Variants in PBK observed in about 807,000 individuals in gnomAD.
PBK encodes PDZ binding kinase, also known as lymphokine-activated killer T-cell-originated protein kinase.
PBK carries 22 observed loss-of-function variants against 33.5 expected under a neutral mutation model. The ratio of observed to expected loss-of-function variants is 0.66; its 90% confidence interval spans 0.47 to 0.94. The LOEUF (loss-of-function observed/expected upper bound fraction) is 0.94. PBK is among the 40% of genes least tolerant of loss of function. The probability of loss-of-function intolerance (pLI) is 0.00; values close to 1 mark genes in which losing one functional copy is unlikely to be tolerated. For missense variants in PBK, 376 were observed against 383.4 expected (o/e 0.98, Z 0.16); for synonymous variants, 129 against 123.8 (o/e 1.04, Z -0.28).
At chr8:27,814,760 GTTAT>G (rs1163829240) in intron 6 of PBK, among the ~76,000 whole-genome samples, 2 of 151,952 alleles carry the variant, frequency 1.3e-5, no homozygotes, top group Non-Finnish European at 2.9e-5. Flanking sequence ...TGACCCATAG[GTTAT>G]TTAAATTTGT....
At chr8:27,830,205 G>GAAAAAAAAAAAAAAAA in intron 2 of PBK, among the ~76,000 whole-genome samples, 1 of 92,952 alleles carries the variant, frequency 1.1e-5, no homozygotes, top group Non-Finnish European at 2.2e-5. Context: ...TCTGTCTCAA[G>GAAAAAAAAAAAAAAAA]AAAAAAAAAA....
At chr8:27,821,312 G>A (rs1200378928) in intron 5 of PBK, among the ~76,000 whole-genome samples, 2 of 152,050 alleles carry the variant, frequency 1.3e-5, no homozygotes, top group Non-Finnish European at 2.9e-5. Flanking sequence ...GCCCAGGCTG[G>A]AGTGCAGTGG....
At position 27,810,465 on chromosome 8, in the gene PBK, G is replaced by T; in HGVS notation, c.809C>A (p.Ala270Glu). ...CCTAGTTCCCAACGCTGCATAGTAT[G>T]CTTCATCATCAAAATCACTTTCATC... is the stretch of plus-strand genomic sequence containing the variant. ...TFDESDFDDE[A>E]YYAALGTRPP... is the part of the protein sequence containing the mutation. The change falls in exon 8 of 8, where the codon GCA becomes GAA. Residue 270 changes from alanine (A) to glutamate (E), a missense_variant. Physicochemically the swap from Ala to Glu is moderately radical, Grantham distance 107. Transcript: ENST00000301905. 6.2e-7 allele frequency: 1 copy of T among 1,604,920 alleles called. No homozygotes were observed. Among genetic ancestry groups the T allele is most frequent in the Non-Finnish European group, 8.5e-7 (1 of 1,174,242 alleles).
chr8:27,831,957 A>C (rs2612264), intron 2 of PBK, among the ~76,000 whole-genome samples: 1 of 152,238 alleles, frequency 6.6e-6, no homozygotes, highest in South Asian at 2.1e-4. Context: ...ATTCTACACA[A>C]AGTTAAAGAA....
chr8:27,830,455 A>AG (rs1005958714), intron 2 of PBK, among the ~76,000 whole-genome samples: 1 of 152,202 alleles, frequency 6.6e-6, no homozygotes, highest in African/African-American at 2.4e-5. Context: ...GAAAAAGGTT[A>AG]GAAAAAAATC....
intron 1 of PBK, among the ~76,000 whole-genome samples, chr8:27,834,818 C>A (rs1014085116): frequency 4.0e-5 from 6 of 151,858 alleles, no homozygotes; most frequent in Non-Finnish European, 8.8e-5. Context: ...ATCGCTTGAA[C>A]CTGGGAGGCG....
rs1008218514 is a variant in PBK at position 27,837,774 on chromosome 8, T to C, written c.-143A>G. ...TGCAGCTGCCTCTAGCACCAACACA[T>C]ACGCCCGGCAGCTGCCGTTGCAATT... On this transcript the variant is annotated 5_prime_UTR_variant, in exon 1 of 8. It removes an upstream start codon present in the reference 5' UTR. Transcript: ENST00000301905. The C allele has an allele frequency of 1.3e-5, 2 of 152,112 alleles. No homozygotes were observed. The highest frequency in any genetic ancestry group is 4.8e-5 in the African/African-American group (2 of 41,424). 9.4% of individuals were successfully genotyped at this position (152,112 alleles called of 1,614,324 possible). A position where few individuals can be genotyped will look rare whatever the true frequency, so the allele number is the denominator to read the frequency against.
At chr8:27,814,323 A>G (rs1805768468) in intron 6 of PBK, among the ~76,000 whole-genome samples, 1 of 152,160 alleles carries the variant, frequency 6.6e-6, no homozygotes, top group Non-Finnish European at 1.5e-5. Flanking sequence ...CATTGCCATA[A>G]AGCCGTTTAT....
At chr8:27,822,254 G>C in intron 5 of PBK, 65 bp downstream of exon 5, 1 of 1,189,930 alleles carries the variant, frequency 8.4e-7, no homozygotes, top group Admixed American at 2.2e-5. Flanking sequence ...CCTGCAAAGT[G>C]ATTATTTGTT....
chr8:27,837,808 C>T lies in PBK; in HGVS notation c.-177G>A, dbSNP rs1806257447. Reference sequence around the variant, plus strand: ...CAGCTGCCGTTGCAATTCGAACCCTCCTGGCTTTCAAAAAGTCGCGCGCTG... The same window carrying T: ...CAGCTGCCGTTGCAATTCGAACCCTTCTGGCTTTCAAAAAGTCGCGCGCTG... On this transcript the variant is annotated 5_prime_UTR_variant, in exon 1 of 8. Coordinates refer to ENST00000301905, the MANE Select transcript of PBK (RefSeq NM_018492.4). 6.6e-6 allele frequency: 1 copy of T among 152,258 alleles called. No homozygotes were observed. The highest frequency in any genetic ancestry group is 1.5e-5 in the Non-Finnish European group (1 of 68,054). The allele number at this position is 152,258 out of a possible 1,614,324, so 9.4% of individuals were successfully genotyped here.
intron 2 of PBK, among the ~76,000 whole-genome samples, chr8:27,828,744 C>CAA (rs34388320): frequency 1.5e-3 from 121 of 82,414 alleles, no homozygotes; most frequent in Non-Finnish European, 1.9e-3. Flanking sequence ...GACACAGTCT[C>CAA]AAAAAAAAAA....
intron 5 of PBK, among the ~76,000 whole-genome samples, 192 bp from the exon 6 acceptor site, chr8:27,820,886 C>T (rs1192547649): frequency 1.3e-5 from 2 of 150,918 alleles, no homozygotes; most frequent in Non-Finnish European, 2.9e-5. Context: ...TGCAGTGGCA[C>T]GATCTCGGCT....
intron 6 of PBK, among the ~76,000 whole-genome samples, chr8:27,816,287 A>C (rs1330459530): frequency 6.6e-6 from 1 of 151,220 alleles, no homozygotes; most frequent in Non-Finnish European, 1.5e-5. Context: ...TATAGTATTA[A>C]TATTTGCAAA....
At chr8:27,836,742 A>T (rs1806234083) in intron 1 of PBK, among the ~76,000 whole-genome samples, 1 of 152,158 alleles carries the variant, frequency 6.6e-6, no homozygotes, top group Non-Finnish European at 1.5e-5. Context: ...AGCACGTTTT[A>T]AAAAAGAAAA....
At position 27,826,964 on chromosome 8, in the gene PBK, T is replaced by C. The variant is rs190145123; in HGVS notation, c.152+1141A>G. Among the ~76,000 whole-genome samples, 38 of 152,212 alleles carry C rather than the reference T, an allele frequency of 2.5e-4. No homozygotes were observed. The East Asian group carries it at 6.9e-3, about 28-fold the overall frequency. The stretch of plus-strand genomic sequence containing the variant: ...AATTTTTTTCTTTCAAAATAGGAGT[T>C]AACACTAAAAAACAAATTAGAAAAC... On this transcript the variant is annotated intron_variant, in intron 3 of 7. Coordinates refer to ENST00000301905, the MANE Select transcript of PBK (RefSeq NM_018492.4).
intron 3 of PBK, among the ~76,000 whole-genome samples, chr8:27,826,626 C>G (rs961434342): frequency 1.8e-5 from 2 of 111,724 alleles, no homozygotes; most frequent in African/African-American, 8.3e-5. Context: ...GAAACCCCGT[C>G]TCTACTAAAA....
intron 6 of PBK, among the ~76,000 whole-genome samples, chr8:27,818,557 T>C (rs957754487): frequency 6.6e-6 from 1 of 152,222 alleles, no homozygotes; most frequent in African/African-American, 2.4e-5. Context: ...ATTACATATA[T>C]ATTTTCCTAA....
At chr8:27,814,786 T>C (rs1805779079) in intron 6 of PBK, among the ~76,000 whole-genome samples, 1 of 152,186 alleles carries the variant, frequency 6.6e-6, no homozygotes, top group South Asian at 2.1e-4. Flanking sequence ...TTACTGAATT[T>C]CCAAATACTT....
intron 2 of PBK, 68 bp downstream of exon 2, chr8:27,832,988 A>G (rs1040578274): frequency 8.0e-6 from 7 of 876,482 alleles, no homozygotes; most frequent in African/African-American, 5.2e-5. Context: ...ATCAAACTAA[A>G]TAATACTAGG....
Sources: allele counts gnomAD v4.1 joint callset (sites outside exome capture counted in the v4.1 genomes callset), GRCh38; gene constraint gnomAD v4.1.1; transcripts MANE v1.5; gene names NCBI Gene and HGNC (gene_info 2026-07-23, HGNC 2026-07-21).